The following RSPRY1 variants were observed in gnomAD, a reference collection of about 807,000 sequenced individuals.
RSPRY1 encodes RING finger and SPRY domain-containing protein 1.
A neutral mutation model predicts 73.1 loss-of-function variants in RSPRY1; 23 were observed. The observed-to-expected ratio is 0.31, with a 90% CI of 0.23 to 0.45. The LOEUF (loss-of-function observed/expected upper bound fraction) is 0.45, where lower values mean the gene tolerates loss of function less well. Ranked by LOEUF, RSPRY1 falls within the 20% of genes least tolerant of loss-of-function variation. The pLI, the probability that RSPRY1 is intolerant of heterozygous loss-of-function variation, is 1.00. For missense variants in RSPRY1, 448 were observed against 698.7 expected, an observed-to-expected ratio of 0.64 and a Z score of 4.05; for synonymous variants, 226 against 251.4, an observed-to-expected ratio of 0.90 and a Z score of 0.95.
At chr16:57,200,959 G>A (rs865784744) in intron 1 of RSPRY1, among the ~76,000 whole-genome samples, 1 of 123,482 alleles carries the variant, frequency 8.1e-6, no homozygotes, top group Non-Finnish European at 1.8e-5. Context: ...GGGGGGGGGG[G>A]GGCTGACCCC....
chr16:57,189,229 A>G (rs1459433516), intron 1 of RSPRY1, among the ~76,000 whole-genome samples: 3 of 151,760 alleles, frequency 2.0e-5, no homozygotes, highest in Non-Finnish European at 4.4e-5. Context: ...TCCTGAGCTC[A>G]AAGTGATCTG....
intron 2 of RSPRY1, among the ~76,000 whole-genome samples, chr16:57,206,408 AAATT>A (rs775406616): frequency 2.0e-5 from 3 of 152,168 alleles, no homozygotes; most frequent in Admixed American, 6.5e-5. Flanking sequence ...CCTGTCTCAA[AAATT>A]AATTAATCAA....
At chr16:57,197,933 C>T (rs2074481704) in intron 1 of RSPRY1, among the ~76,000 whole-genome samples, 1 of 128,104 alleles carries the variant, frequency 7.8e-6, no homozygotes. Flanking sequence ...GCTACATTAC[C>T]CAAGCTGGTC....
chr16:57,200,755 A>C (rs1445063444), intron 1 of RSPRY1, among the ~76,000 whole-genome samples: 3 of 113,482 alleles, frequency 2.6e-5, no homozygotes, highest in African/African-American at 3.7e-5. Context: ...GGCGCCCCTC[A>C]CCTCCCGGAT....
rs17313871 is a variant in RSPRY1 at position 57,193,101 on chromosome 16, A to G, written c.-156+6650A>G. On this transcript the variant is annotated intron_variant, in intron 1 of 14. Coordinates refer to ENST00000394420, the MANE Select transcript of RSPRY1 (RefSeq NM_133368.3). ...CTCAGTGCATAAGGGAAATGTCAGA[A>G]TCATCCAGTGCTTTTCCCAGACTTC... Among the ~76,000 whole-genome samples, 952 of 152,306 alleles carry G rather than the reference A, an allele frequency of 6.3e-3. 4 individuals are homozygous for G. Among genetic ancestry groups the G allele is most frequent in the Non-Finnish European group, 9.6e-3 (654 of 68,028 alleles).
intron 5 of RSPRY1, 53 bp downstream of exon 5, chr16:57,213,151 G>A (rs2074876544): frequency 6.5e-7 from 1 of 1,547,756 alleles, no homozygotes; most frequent in Non-Finnish European, 8.8e-7. Context: ...GACATTAAAG[G>A]GAAATTTGTA....
chr16:57,202,038 G>A (rs1440614785), intron 1 of RSPRY1, among the ~76,000 whole-genome samples: 1 of 152,116 alleles, frequency 6.6e-6, no homozygotes, highest in Non-Finnish European at 1.5e-5. Flanking sequence ...TTATCTCAGA[G>A]GGGCCGAGCA....
At chr16:57,219,922 C>T (rs1444404256) in intron 8 of RSPRY1, 1 of 152,080 alleles carries the variant, frequency 6.6e-6, no homozygotes, top group Admixed American at 6.6e-5. Flanking sequence ...CTGTCCTTTC[C>T]CCCAATGTAT....
At chr16:57,226,902 A>C (rs1044303724) in intron 10 of RSPRY1, among the ~76,000 whole-genome samples, 9 of 152,148 alleles carry the variant, frequency 5.9e-5, no homozygotes, top group African/African-American at 2.2e-4. Flanking sequence ...GCCTCTGACA[A>C]TCTTGTGCTG....
In RSPRY1 at chr16:57,216,095, G is replaced by A. The variant is rs749993678; in HGVS notation, c.703-12G>A. ...TTTTTTTTTTTTTTTTTTATCTTTT[G>A]TTGTTTTTCAGAAGTTACAGTCCCA... On this transcript the variant is annotated splice_polypyrimidine_tract_variant and intron_variant, in intron 6 of 14. Transcript: ENST00000394420. The A allele has an allele frequency of 6.4e-6, 8 of 1,243,312 alleles. No homozygotes were observed. Among genetic ancestry groups the A allele is most frequent in the African/African-American group, 1.7e-5 (1 of 57,992 alleles). The allele number at this position is 1,243,312 out of a possible 1,614,324, so 77.0% of individuals were successfully genotyped here.
At chr16:57,236,597 C>T (rs1466262816) in intron 14 of RSPRY1, among the ~76,000 whole-genome samples, 1 of 152,110 alleles carries the variant, frequency 6.6e-6, no homozygotes. Context: ...CCTTCTCTTC[C>T]ACAAGTACTA....
At chr16:57,210,259 T>G (rs1345135579) in intron 4 of RSPRY1, among the ~76,000 whole-genome samples, 1 of 151,762 alleles carries the variant, frequency 6.6e-6, no homozygotes, top group African/African-American at 2.4e-5. Flanking sequence ...TTTTTATTTT[T>G]TGTAGATAAA....
chr16:57,238,958 A>G lies in RSPRY1; in HGVS notation c.1714A>G (p.Ile572Val). The G allele has an allele frequency of 6.3e-7, 1 of 1,594,910 alleles. No individual in the cohort carries two copies. The highest frequency in any genetic ancestry group is 1.3e-5 in the African/African-American group (1 of 74,396). Residue 572 changes from isoleucine to valine, a missense_variant, in exon 15 of 15, where the codon ATT becomes GTT. Coordinates refer to ENST00000394420, the MANE Select transcript of RSPRY1 (RefSeq NM_133368.3). ...AGAAATAGTATCTAGAATCAGACAG[A>G]TTTCTCATATTTCATGACACATGTG... ...RKEIVSRIRQ[I>V]SHIS
intron 7 of RSPRY1, chr16:57,216,505 G>T: frequency 3.0e-6 from 1 of 333,844 alleles, no homozygotes; most frequent in Non-Finnish European, 5.5e-6. Context: ...ATTGCTTCAG[G>T]CCAGGAATTC....
At chr16:57,233,622 G>A (rs925504016) in intron 13 of RSPRY1, among the ~76,000 whole-genome samples, 11 of 152,138 alleles carry the variant, frequency 7.2e-5, no homozygotes, top group Non-Finnish European at 1.2e-4. Flanking sequence ...TGCCTGCCTC[G>A]GCCTCCCAAA....
At chr16:57,217,516 G>A (rs991573356) in intron 8 of RSPRY1, among the ~76,000 whole-genome samples, 21 of 152,060 alleles carry the variant, frequency 1.4e-4, no homozygotes, top group African/African-American at 4.8e-4. Flanking sequence ...AGGGCTGCTG[G>A]GACAAAAACT....
rs115156149 is a variant in RSPRY1 at position 57,206,889 on chromosome 16, G to A, written c.351-1169G>A. Among the ~76,000 whole-genome samples the A allele has an allele frequency of 4.5e-3, 689 of 152,284 alleles. 5 individuals are homozygous for A. Among genetic ancestry groups the A allele is most frequent in the African/African-American group, 0.016 (652 of 41,558 alleles). The stretch of plus-strand genomic sequence containing the variant: ...CCCTTGCAATATTTTAAAAGAGAGT[G>A]ACATAGTTATACAAACCTCTTTGTT... On this transcript the variant is annotated intron_variant, in intron 2 of 14. Coordinates refer to ENST00000394420, the MANE Select transcript of RSPRY1 (RefSeq NM_133368.3).
intron 13 of RSPRY1, among the ~76,000 whole-genome samples, chr16:57,232,720 C>T (rs2075243871): frequency 6.6e-6 from 1 of 152,214 alleles, no homozygotes; most frequent in Non-Finnish European, 1.5e-5. Flanking sequence ...ACTCAGATGG[C>T]AATGGGCATC....
intron 8 of RSPRY1, chr16:57,219,759 A>G (rs184706498): frequency 2.0e-5 from 3 of 152,316 alleles, no homozygotes; most frequent in Admixed American, 6.5e-5. Context: ...AGTTTCCCCA[A>G]TGTTTTATTT....
Sources: allele counts gnomAD v4.1 joint callset (sites outside exome capture counted in the v4.1 genomes callset), GRCh38; gene constraint gnomAD v4.1.1; transcripts MANE v1.5; gene names NCBI Gene and HGNC (gene_info 2026-07-23, HGNC 2026-07-21).